Variants in SLC9A3 observed in about 807,000 individuals in gnomAD.
The protein encoded by SLC9A3 is sodium/hydrogen exchanger 3.
Under a neutral mutation model 86.8 loss-of-function variants are expected in SLC9A3, and 37 were observed. The ratio of observed to expected loss-of-function variants is 0.43; its 90% CI spans 0.33 to 0.56. The LOEUF (loss-of-function observed/expected upper bound fraction) is 0.56, where lower values mean the gene tolerates loss of function less well. SLC9A3 is among the 20% of genes least tolerant of loss of function. SLC9A3 has a pLI of 0.06. For synonymous variants in SLC9A3, 581 were observed against 528.3 expected (o/e 1.10, Z -1.37); for missense variants, 1,011 against 1,171.9 (o/e 0.86, Z 2.00).
intron 1 of SLC9A3, among the ~76,000 whole-genome samples, chr5:507,230 G>A (rs1472541672): frequency 3.0e-5 from 3 of 98,870 alleles, no homozygotes; most frequent in Non-Finnish European, 5.4e-5. Context: ...GTGCGGTGGC[G>A]CGATCTGGGC....
chr5:502,813 C>T (rs115753953), intron 1 of SLC9A3, among the ~76,000 whole-genome samples: 2,710 of 104,026 alleles, frequency 0.026, 113 homozygotes, highest in African/African-American at 0.073. Flanking sequence ...GCCGCTGTAA[C>T]GACACAGACG....
Position 473,158 on chromosome 5 carries a change from G to GCGCAGGCCCCGCCCCCGT in SLC9A3, c.*220_*221insACGGGGGCGGGGCCTGCG. The stretch of plus-strand genomic sequence containing the variant: ...CCTCGGCGCTCCGGCCCCGCCCCCG[G>GCGCAGGCCCCGCCCCCGT]CGCAGGCCCCGCCCCCGGCTCGCCC... On this transcript the variant is annotated 3_prime_UTR_variant, in exon 17 of 17. Transcript: ENST00000264938. 1 of 396,896 alleles carries GCGCAGGCCCCGCCCCCGT rather than the reference G, an allele frequency of 2.5e-6. No individual in the cohort carries two copies. The highest frequency in any genetic ancestry group is 4.0e-6 in the Non-Finnish European group (1 of 247,666). The allele number at this position is 396,896 out of a possible 1,614,324, so 24.6% of individuals were successfully genotyped here. A position where few individuals can be genotyped will look rare whatever the true frequency, so the allele number is the denominator to read the frequency against.
At chr5:508,331 G>C (rs1417842744) in intron 1 of SLC9A3, among the ~76,000 whole-genome samples, 1 of 149,754 alleles carries the variant, frequency 6.7e-6, no homozygotes, top group Non-Finnish European at 1.5e-5. Flanking sequence ...GCCGGGGATA[G>C]AGATGCCGCA....
At chr5:518,615 G>C (rs1041339126) in intron 1 of SLC9A3, among the ~76,000 whole-genome samples, 1 of 152,196 alleles carries the variant, frequency 6.6e-6, no homozygotes, top group Non-Finnish European at 1.5e-5. Context: ...TGATGTGCAG[G>C]ATGGGAACCC....
At position 476,689 on chromosome 5, in the gene SLC9A3, G is replaced by A. The variant is rs760668308; in HGVS notation, c.1761-17C>T. The A allele has an allele frequency of 3.1e-5, 50 of 1,600,550 alleles. No homozygotes were observed. In the East Asian group the frequency reaches 9.4e-4, roughly 30 times the overall value. ...TTTTCTCTCCTGCGTGGGGACCAGC[G>A]CTGAGCCATACAGGCTCCCTCAGGG... On this transcript the variant is annotated splice_polypyrimidine_tract_variant and intron_variant, in intron 11 of 16. Transcript: ENST00000264938.
chr5:499,852 C>G (rs1275635534), intron 1 of SLC9A3, among the ~76,000 whole-genome samples: 1 of 152,280 alleles, frequency 6.6e-6, no homozygotes, highest in Non-Finnish European at 1.5e-5. Flanking sequence ...AGGGTCCAGC[C>G]CCTCTGTAGG....
At chr5:486,102 C>T (rs1739448948) in intron 3 of SLC9A3, among the ~76,000 whole-genome samples, 1 of 152,194 alleles carries the variant, frequency 6.6e-6, no homozygotes. Flanking sequence ...CTTTCCAAAA[C>T]CCCTAAGGGA....
chr5:481,237 A>T (rs1315152018), intron 9 of SLC9A3, among the ~76,000 whole-genome samples: 1 of 152,228 alleles, frequency 6.6e-6, no homozygotes, highest in Non-Finnish European at 1.5e-5. Flanking sequence ...ACGTGGAGGA[A>T]ATAATCTATT....
At chr5:513,708 G>A (rs1733640866) in intron 1 of SLC9A3, among the ~76,000 whole-genome samples, 1 of 152,196 alleles carries the variant, frequency 6.6e-6, no homozygotes, top group South Asian at 2.1e-4. Flanking sequence ...AGCTCTGGTG[G>A]GCAGACAGCA....
At chr5:513,202 G>T (rs1424390505) in intron 1 of SLC9A3, among the ~76,000 whole-genome samples, 1 of 152,156 alleles carries the variant, frequency 6.6e-6, no homozygotes, top group Non-Finnish European at 1.5e-5. Flanking sequence ...AAAGCCAGGG[G>T]TGCTTTTGGA....
intron 7 of SLC9A3, 39 bp from the exon 8 acceptor site, chr5:482,196 C>T: frequency 1.3e-6 from 2 of 1,487,448 alleles, no homozygotes; most frequent in Non-Finnish European, 1.9e-6. Flanking sequence ...GCCAGGCAGC[C>T]CCCCACATCC....
intron 1 of SLC9A3, among the ~76,000 whole-genome samples, chr5:502,826 C>T (rs369582888): frequency 1.4e-5 from 1 of 70,496 alleles, no homozygotes. Flanking sequence ...CACAGACGGG[C>T]GCCGAAAGCC....
At chr5:519,076 G>A (rs1187243875) in intron 1 of SLC9A3, among the ~76,000 whole-genome samples, 1 of 152,202 alleles carries the variant, frequency 6.6e-6, no homozygotes, top group African/African-American at 2.4e-5. Context: ...CCTGGAAAAT[G>A]AAACTTCACC....
rs1377087738 is a variant in SLC9A3, at chr5:497,134, G to T, written c.212-5063C>A. On this transcript the variant is annotated intron_variant, in intron 1 of 16. Coordinates refer to ENST00000264938, the MANE Select transcript of SLC9A3 (RefSeq NM_004174.4). This position sits in a 1 kb window ranked among gnomAD's most constrained non-coding sequence, Gnocchi z 5.4. ...AACTCAGAAGGCCCTGCTAGCCTCA[G>T]AGAGACAGTCTTTCCACACAGATGT... 6.6e-6 allele frequency among the ~76,000 whole-genome samples: 1 copy of T among 152,164 alleles called. No individual in the cohort carries two copies. Among genetic ancestry groups the T allele is most frequent in the East Asian group, 1.9e-4 (1 of 5,204 alleles).
At chr5:477,683 G>T in intron 10 of SLC9A3, 1 of 485,240 alleles carries the variant, frequency 2.1e-6, no homozygotes, top group South Asian at 2.8e-5. Context: ...ACTGGGCAGA[G>T]GTCATGCTTG....
intron 1 of SLC9A3, among the ~76,000 whole-genome samples, chr5:520,525 A>G (rs1283463208): frequency 6.6e-6 from 1 of 152,080 alleles, no homozygotes; most frequent in African/African-American, 2.4e-5. Context: ...CTGATGCCCA[A>G]GGGAAGCTCC....
intron 1 of SLC9A3, 113 bp from the exon 2 acceptor site, chr5:492,184 A>T: frequency 1.8e-4 from 1 of 5,452 alleles, no homozygotes; most frequent in Non-Finnish European, 4.4e-4. Flanking sequence ...GAGGGGAGGG[A>T]TGTCGGGGCA....
intron 2 of SLC9A3, among the ~76,000 whole-genome samples, chr5:488,782 G>C (rs547842381): frequency 2.0e-5 from 3 of 152,378 alleles, no homozygotes; most frequent in African/African-American, 7.2e-5. Context: ...CGCATGCTGG[G>C]GAGGGATGGG....
chr5:519,895 C>T (rs1733836228), intron 1 of SLC9A3, among the ~76,000 whole-genome samples: 1 of 152,162 alleles, frequency 6.6e-6, no homozygotes. Flanking sequence ...CTAGCGTCCT[C>T]CTGACCCTCC....
Sources: allele counts gnomAD v4.1 joint callset (sites outside exome capture counted in the v4.1 genomes callset), GRCh38; gene constraint gnomAD v4.1.1; non-coding constraint Gnocchi (gnomAD v3.1); transcripts MANE v1.5; gene names NCBI Gene and HGNC (gene_info 2026-07-23, HGNC 2026-07-21).